The following SH3RF3 variants were observed in gnomAD, a reference collection of about 807,000 sequenced individuals.
SH3RF3 encodes E3 ubiquitin-protein ligase SH3RF3.
A neutral mutation model predicts 66.3 loss-of-function variants in SH3RF3; 29 were observed. The observed-to-expected ratio is 0.44, with a 90% CI of 0.33 to 0.60. The LOEUF (loss-of-function observed/expected upper bound fraction) is 0.60. Among genes scored for constraint, SH3RF3 ranks in the 20% least tolerant of loss-of-function variants. The pLI, the probability that SH3RF3 is intolerant of heterozygous loss-of-function variation, is 0.04. For synonymous variants in SH3RF3, 583 were observed against 532.0 expected, an observed-to-expected ratio of 1.10 and a Z score of -1.32; for missense variants, 1,194 against 1,190.9, an observed-to-expected ratio of 1.00 and a Z score of -0.04.
intron 1 of SH3RF3, among the ~76,000 whole-genome samples, chr2:109,258,265 T>TG (rs1310439330): frequency 6.6e-6 from 1 of 152,114 alleles, no homozygotes; most frequent in Non-Finnish European, 1.5e-5. Context: ...CTGAAGGGAA[T>TG]GTTTACTGAG....
At position 109,420,590 on chromosome 2, in the gene SH3RF3, T is replaced by C. The variant is rs552943627; in HGVS notation, c.1403+948T>C. ...CCTCCCAAGTAGCTGGGACTACAGGTGCCAGCCACCACGCCTGGCTAAATT... is the reference window on the plus strand; with the variant it reads ...CCTCCCAAGTAGCTGGGACTACAGGCGCCAGCCACCACGCCTGGCTAAATT... On this transcript the variant is annotated intron_variant, in intron 5 of 9. Coordinates refer to ENST00000309415, the MANE Select transcript of SH3RF3 (RefSeq NM_001099289.3). Among the ~76,000 whole-genome samples, 1,022 of 152,128 alleles carry C rather than the reference T, an allele frequency of 6.7e-3. 2 individuals carry two copies. The highest frequency in any genetic ancestry group is 0.011 in the Non-Finnish European group (753 of 67,980).
chr2:109,350,562 G>A (rs1027361423), intron 2 of SH3RF3, among the ~76,000 whole-genome samples: 2 of 152,154 alleles, frequency 1.3e-5, no homozygotes, highest in African/African-American at 4.8e-5. Flanking sequence ...CCTGCTACCT[G>A]TTCTGTCCTG....
chr2:109,380,800 A>G (rs559901128), intron 3 of SH3RF3, among the ~76,000 whole-genome samples: 54 of 152,326 alleles, frequency 3.5e-4, no homozygotes, highest in African/African-American at 1.2e-3. Context: ...CACCACCTGC[A>G]TAGGCAGACA....
At chr2:109,167,957 A>G (rs1234181117) in intron 1 of SH3RF3, among the ~76,000 whole-genome samples, 1 of 152,186 alleles carries the variant, frequency 6.6e-6, no homozygotes, top group Non-Finnish European at 1.5e-5. Flanking sequence ...TCACATGTAG[A>G]GAAACATTTA....
At chr2:109,181,283 ATATCT>A (rs747508850) in intron 1 of SH3RF3, among the ~76,000 whole-genome samples, 12 of 152,222 alleles carry the variant, frequency 7.9e-5, no homozygotes, top group Non-Finnish European at 1.6e-4. Flanking sequence ...ACTAATGTTG[ATATCT>A]TATGCTACCA....
intron 2 of SH3RF3, among the ~76,000 whole-genome samples, chr2:109,356,361 A>G (rs1269897275): frequency 1.3e-5 from 2 of 152,158 alleles, no homozygotes; most frequent in African/African-American, 4.8e-5. Flanking sequence ...GTGCCACCAC[A>G]CTGCAGCTAG....
chr2:109,312,550 C>T (rs1681755248), intron 1 of SH3RF3, among the ~76,000 whole-genome samples: 1 of 152,080 alleles, frequency 6.6e-6, no homozygotes, highest in South Asian at 2.1e-4. Context: ...TCTTCCTGGC[C>T]CCAGGCCACC....
intron 1 of SH3RF3, among the ~76,000 whole-genome samples, chr2:109,236,258 A>G (rs1385892875): frequency 1.3e-5 from 2 of 152,132 alleles, no homozygotes; most frequent in African/African-American, 4.8e-5. Flanking sequence ...TTAATGACCA[A>G]ATTCCCCTCG....
chr2:109,401,394 C>T (rs1676308855), intron 4 of SH3RF3, among the ~76,000 whole-genome samples: 2 of 152,206 alleles, frequency 1.3e-5, no homozygotes, highest in African/African-American at 2.4e-5. Context: ...TGTCTCCTTC[C>T]TCCTAGAAGA....
At chr2:109,291,297 T>C (rs886790581) in intron 1 of SH3RF3, among the ~76,000 whole-genome samples, 1 of 141,162 alleles carries the variant, frequency 7.1e-6, no homozygotes, top group Non-Finnish European at 1.6e-5. Context: ...TTTTTTTTTT[T>C]GCATTATGCT....
At chr2:109,413,196 C>G (rs1676640266) in intron 4 of SH3RF3, among the ~76,000 whole-genome samples, 1 of 152,234 alleles carries the variant, frequency 6.6e-6, no homozygotes, top group African/African-American at 2.4e-5. Flanking sequence ...CTCACTGCAA[C>G]CTCCGCCTCA....
At chr2:109,141,930 G>C (rs973088424) in intron 1 of SH3RF3, among the ~76,000 whole-genome samples, 4 of 152,138 alleles carry the variant, frequency 2.6e-5, no homozygotes, top group Admixed American at 2.6e-4. Flanking sequence ...AGGTGGCAGG[G>C]CCCTTTCTAC....
intron 1 of SH3RF3, among the ~76,000 whole-genome samples, chr2:109,238,732 C>A (rs1679707138): frequency 6.6e-6 from 1 of 152,186 alleles, no homozygotes; most frequent in South Asian, 2.1e-4. Flanking sequence ...AGACTTCCTT[C>A]CCCCAGGCAG....
At chr2:109,352,561 A>G (rs1321943788) in intron 2 of SH3RF3, among the ~76,000 whole-genome samples, 1 of 152,124 alleles carries the variant, frequency 6.6e-6, no homozygotes, top group Non-Finnish European at 1.5e-5. Flanking sequence ...CTTTAGCTTT[A>G]CCTCTTTTTG....
At chr2:109,275,997 A>G (rs1680748544) in intron 1 of SH3RF3, among the ~76,000 whole-genome samples, 1 of 152,082 alleles carries the variant, frequency 6.6e-6, no homozygotes, top group South Asian at 2.1e-4. Context: ...ACATGCCCCC[A>G]TTTGGTCTCC....
chr2:109,496,949 T>C (rs868378237), intron 9 of SH3RF3, among the ~76,000 whole-genome samples: 8 of 152,114 alleles, frequency 5.3e-5, no homozygotes, highest in Middle Eastern at 3.4e-3. Context: ...CACTCCCCTT[T>C]GAAGATGGAG....
chr2:109,315,016 A>G (rs1681839166), intron 1 of SH3RF3, among the ~76,000 whole-genome samples: 1 of 152,198 alleles, frequency 6.6e-6, no homozygotes, highest in Non-Finnish European at 1.5e-5. Flanking sequence ...TAAGGTAGCC[A>G]CCGACCACAC....
chr2:109,278,259 G>A (rs1162552910), intron 1 of SH3RF3, among the ~76,000 whole-genome samples: 1 of 152,146 alleles, frequency 6.6e-6, no homozygotes, highest in Non-Finnish European at 1.5e-5. Flanking sequence ...CTGAGCCCAC[G>A]GTAGGCACTT....
intron 1 of SH3RF3, among the ~76,000 whole-genome samples, chr2:109,166,786 A>C (rs1677637266): frequency 6.6e-6 from 1 of 152,254 alleles, no homozygotes; most frequent in African/African-American, 2.4e-5. Flanking sequence ...TTTCAACTAT[A>C]TAGGTTAAAA....
Sources: gnomAD v4.1 joint callset for allele counts (sites outside exome capture counted in the v4.1 genomes callset) on GRCh38, gnomAD v4.1.1 for gene constraint, MANE v1.5 for transcripts, NCBI Gene and HGNC (gene_info 2026-07-23, HGNC 2026-07-21) for gene names.